Variants in PPP2R2B observed in about 807,000 individuals in gnomAD.
PPP2R2B encodes protein phosphatase 2 regulatory subunit Bbeta, also known as serine/threonine-protein phosphatase 2A 55 kDa regulatory subunit B beta isoform.
In PPP2R2B, 5 loss-of-function variants were observed where a neutral mutation model predicts 46.0. The ratio of observed to expected loss-of-function variants is 0.11; its 90% CI spans 0.06 to 0.23. The LOEUF (loss-of-function observed/expected upper bound fraction) is 0.23, where lower values mean the gene tolerates loss of function less well. Ranked by LOEUF, PPP2R2B falls within the 10% of genes least tolerant of loss-of-function variation. PPP2R2B has a pLI of 1.00. For missense variants in PPP2R2B, 367 were observed against 575.0 expected, an observed-to-expected ratio of 0.64 and a Z score of 3.70; for synonymous variants, 215 against 206.7, an observed-to-expected ratio of 1.04 and a Z score of -0.34.
intron 2 of PPP2R2B, among the ~76,000 whole-genome samples, chr5:146,708,943 A>G (rs1453273815): frequency 1.3e-5 from 2 of 152,182 alleles, no homozygotes; most frequent in Non-Finnish European, 2.9e-5. Flanking sequence ...TTAACTTGAC[A>G]CTGCTTCTCA....
At chr5:146,925,459 A>G (rs931953620) in intron 1 of PPP2R2B, among the ~76,000 whole-genome samples, 1 of 152,056 alleles carries the variant, frequency 6.6e-6, no homozygotes, top group Non-Finnish European at 1.5e-5. Flanking sequence ...TGGATGTGCT[A>G]TTCTTCTTCC....
intron 1 of PPP2R2B, among the ~76,000 whole-genome samples, chr5:147,007,368 G>T (rs1294168277): frequency 1.3e-5 from 2 of 152,056 alleles, no homozygotes; most frequent in Non-Finnish European, 2.9e-5. Context: ...GTTTGTAAAC[G>T]CACCAATCAG....
chr5:146,730,952 C>G (rs776754569), intron 2 of PPP2R2B, among the ~76,000 whole-genome samples: 2 of 152,102 alleles, frequency 1.3e-5, no homozygotes, highest in Non-Finnish European at 2.9e-5. Context: ...AAGAAGAAAC[C>G]GATGAGGCCT....
At chr5:147,049,819 G>A (rs1271074665) in intron 1 of PPP2R2B, among the ~76,000 whole-genome samples, 1 of 152,210 alleles carries the variant, frequency 6.6e-6, no homozygotes, top group African/African-American at 2.4e-5. Flanking sequence ...TCTCACAAGA[G>A]CAATTTTGGT....
chr5:146,904,278 T>C (rs1386827600), intron 1 of PPP2R2B, among the ~76,000 whole-genome samples: 3 of 152,170 alleles, frequency 2.0e-5, no homozygotes, highest in Non-Finnish European at 4.4e-5. Context: ...CCTAAAAGTA[T>C]GAAAGGTCAG....
intron 2 of PPP2R2B, among the ~76,000 whole-genome samples, chr5:147,068,893 C>T (rs975382538): frequency 3.3e-5 from 5 of 151,958 alleles, no homozygotes; most frequent in East Asian, 1.9e-4. Context: ...CATGGACAAA[C>T]GACTGTGCCA....
intron 1 of PPP2R2B, among the ~76,000 whole-genome samples, chr5:147,046,029 T>A (rs1464727022): frequency 6.6e-6 from 1 of 152,186 alleles, no homozygotes; most frequent in Non-Finnish European, 1.5e-5. Flanking sequence ...TCCTCTCCAC[T>A]GCTGCATTTG....
chr5:146,646,521 TGGAA>T (rs1463969227), intron 6 of PPP2R2B, among the ~76,000 whole-genome samples: 1 of 152,090 alleles, frequency 6.6e-6, no homozygotes, highest in Non-Finnish European at 1.5e-5. Context: ...TGGCTATGGA[TGGAA>T]GGGAGAGAAT....
rs543811820 is a variant in PPP2R2B at position 147,080,201 on chromosome 5, G to A, written c.50+858C>T. On this transcript the variant is annotated intron_variant, in intron 2 of 10. Coordinates refer to the PPP2R2B transcript ENST00000394413. ...CTGCAGAATGACCTGAAGTTCACAT[G>A]CATTTATGCATGTTAGTTTGAGTAT... 1.2e-4 allele frequency among the ~76,000 whole-genome samples: 19 copies of A among 152,242 alleles called. No individual in the cohort carries two copies. In the South Asian group the frequency reaches 2.5e-3, roughly 20 times the overall value.
At chr5:146,781,169 TATATATAA>T (rs1755501093) in intron 2 of PPP2R2B, among the ~76,000 whole-genome samples, 2 of 113,496 alleles carry the variant, frequency 1.8e-5, no homozygotes, top group Non-Finnish European at 3.7e-5. Context: ...TATATATATA[TATATATAA>T]AATTATTCTC....
Position 146,914,925 on chromosome 5 carries a change from G to A in PPP2R2B, c.79+140740C>T, listed in dbSNP as rs192172620. On this transcript the variant is annotated intron_variant, in intron 1 of 8. Coordinates refer to the PPP2R2B transcript ENST00000336640. Reference sequence around the variant, plus strand: ...GTCCTCCACTTTCAGTATTCGAATCGACAGTGGCTTCCAAAAAGGTCATTT... The same window carrying A: ...GTCCTCCACTTTCAGTATTCGAATCAACAGTGGCTTCCAAAAAGGTCATTT... Among the ~76,000 whole-genome samples the A allele has an allele frequency of 2.6e-5, 4 of 152,238 alleles. No individual in the cohort carries two copies. In the East Asian group the frequency reaches 7.7e-4, roughly 29 times the overall value.
chr5:147,033,087 T>C (rs1213977437), intron 1 of PPP2R2B, among the ~76,000 whole-genome samples: 1 of 152,186 alleles, frequency 6.6e-6, no homozygotes, highest in Non-Finnish European at 1.5e-5. Flanking sequence ...ATGAAAACCT[T>C]AGGTTAATAA....
intron 1 of PPP2R2B, among the ~76,000 whole-genome samples, chr5:147,032,341 A>G (rs1239388325): frequency 6.6e-6 from 1 of 152,236 alleles, no homozygotes; most frequent in Admixed American, 6.5e-5. Flanking sequence ...TCAAGACCGC[A>G]ATGTGATACC....
intron 2 of PPP2R2B, among the ~76,000 whole-genome samples, chr5:147,064,707 G>A (rs947861139): frequency 6.6e-5 from 10 of 152,166 alleles, no homozygotes; most frequent in Admixed American, 2.0e-4. Context: ...TTGTAAATGT[G>A]TTTTGAAAAC....
At chr5:146,816,117 G>T (rs1582175753) in intron 2 of PPP2R2B, among the ~76,000 whole-genome samples, 1 of 152,092 alleles carries the variant, frequency 6.6e-6, no homozygotes, top group Admixed American at 6.6e-5. Context: ...CACACTTACA[G>T]TATTATTAAT....
intron 1 of PPP2R2B, among the ~76,000 whole-genome samples, chr5:147,001,949 C>A (rs1754198786): frequency 6.6e-6 from 1 of 152,142 alleles, no homozygotes; most frequent in Non-Finnish European, 1.5e-5. Context: ...AGGGTCCTGA[C>A]AACAAGTTGG....
At chr5:146,701,201 A>C in intron 2 of PPP2R2B, 59 bp from the exon 3 acceptor site, 8 of 1,308,148 alleles carry the variant, frequency 6.1e-6, no homozygotes, top group Non-Finnish European at 8.9e-6. Context: ...GAAAGGATAG[A>C]TAATAGATAT....
At chr5:146,944,401 T>C (rs545763346) in intron 1 of PPP2R2B, among the ~76,000 whole-genome samples, 6 of 152,278 alleles carry the variant, frequency 3.9e-5, no homozygotes, top group African/African-American at 1.4e-4. Flanking sequence ...GTTTTCATTA[T>C]TAGATTATGC....
intron 2 of PPP2R2B, chr5:146,706,403 C>T: frequency 1.3e-6 from 1 of 799,462 alleles, no homozygotes; most frequent in Non-Finnish European, 2.0e-6. Flanking sequence ...TGCATAGCCG[C>T]TGGTGGTCTT....
Sources: allele counts gnomAD v4.1 joint callset (sites outside exome capture counted in the v4.1 genomes callset), GRCh38; gene constraint gnomAD v4.1.1; transcripts MANE v1.5; gene names NCBI Gene and HGNC (gene_info 2026-07-23, HGNC 2026-07-21).